CAMTA1: variants seen among roughly 807,000 people sequenced by gnomAD.
CAMTA1 encodes calmodulin binding transcription activator 1, also known as calmodulin-binding transcription activator 1.
In CAMTA1, 27 loss-of-function variants were observed where a neutral mutation model predicts 170.9. The ratio of observed to expected loss-of-function variants is 0.16; its 90% confidence interval spans 0.12 to 0.22. The LOEUF is 0.22. Ranked by LOEUF, CAMTA1 falls within the 10% of genes least tolerant of loss-of-function variation. The pLI is 1.00. For missense variants in CAMTA1, 1,619 were observed against 2,217.2 expected (o/e 0.73, Z 5.42); for synonymous variants, 833 against 891.5 (o/e 0.93, Z 1.17).
At chr1:6,833,150 C>A (rs997896158) in intron 3 of CAMTA1, among the ~76,000 whole-genome samples, 1 of 152,190 alleles carries the variant, frequency 6.6e-6, no homozygotes, top group Non-Finnish European at 1.5e-5. Context: ...AAGTAAATTG[C>A]ACCCTCAGAG....
intron 4 of CAMTA1, among the ~76,000 whole-genome samples, chr1:7,238,346 C>T (rs1664266731): frequency 6.6e-6 from 1 of 152,104 alleles, no homozygotes; most frequent in African/African-American, 2.4e-5. Context: ...CTTACTAGTC[C>T]TCTGACCTTG....
At chr1:7,535,079 G>A (rs2094533695) in intron 6 of CAMTA1, among the ~76,000 whole-genome samples, 1 of 147,630 alleles carries the variant, frequency 6.8e-6, no homozygotes. Flanking sequence ...GCCCCACCCC[G>A]GGCCAGCCAC....
intron 3 of CAMTA1, among the ~76,000 whole-genome samples, chr1:6,976,046 T>C (rs1283769113): frequency 6.6e-6 from 1 of 152,214 alleles, no homozygotes; most frequent in African/African-American, 2.4e-5. Flanking sequence ...TCTTGAATGC[T>C]CACTCGAGCC....
chr1:7,450,059 C>T (rs1447481320), intron 5 of CAMTA1, among the ~76,000 whole-genome samples: 1 of 152,116 alleles, frequency 6.6e-6, no homozygotes, highest in Non-Finnish European at 1.5e-5. Flanking sequence ...CAGGATGAAG[C>T]CCCACCAGCC....
At chr1:7,527,386 G>A (rs1400829396) in intron 6 of CAMTA1, among the ~76,000 whole-genome samples, 1 of 152,220 alleles carries the variant, frequency 6.6e-6, no homozygotes, top group Non-Finnish European at 1.5e-5. Flanking sequence ...GGGCTAGAAA[G>A]AGAAAGCTGG....
intron 3 of CAMTA1, among the ~76,000 whole-genome samples, chr1:6,939,662 A>G (rs1254016525): frequency 5.3e-5 from 8 of 150,144 alleles, no homozygotes. Flanking sequence ...TCTGGACCCT[A>G]TTTATTCCCT....
chr1:7,063,650 C>A lies in CAMTA1; in HGVS notation c.235-27654C>A, dbSNP rs918385372. On this transcript the variant is annotated intron_variant, in intron 3 of 22. Transcript: ENST00000303635. This position sits in a 1 kb window ranked among gnomAD's most constrained non-coding sequence, Gnocchi z 4.3. Reference sequence around the variant, plus strand: ...ATCTGAAATACCTTCCCTGGACCTACCATTTGCATTTGGACTTAGATTATT... The same window carrying A: ...ATCTGAAATACCTTCCCTGGACCTAACATTTGCATTTGGACTTAGATTATT... Among the ~76,000 whole-genome samples the A allele has an allele frequency of 5.3e-5, 8 of 152,324 alleles. No individual in the cohort carries two copies. Among genetic ancestry groups the A allele is most frequent in the African/African-American group, 1.9e-4 (8 of 41,576 alleles).
chr1:7,489,682 T>G (rs559649534), intron 6 of CAMTA1, among the ~76,000 whole-genome samples: 9 of 152,216 alleles, frequency 5.9e-5, no homozygotes, highest in Non-Finnish European at 1.2e-4. Flanking sequence ...AAATACACAC[T>G]CGTTAAAGTG....
chr1:7,050,268 G>T lies in CAMTA1; in HGVS notation c.235-41036G>T, dbSNP rs1331609795. 1.3e-5 allele frequency among the ~76,000 whole-genome samples: 2 copies of T among 152,178 alleles called. No homozygotes were observed. On this transcript the variant is annotated intron_variant, in intron 3 of 22. Transcript: ENST00000303635. The surrounding 1 kb of genome is among the most constrained non-coding windows in gnomAD (Gnocchi z 4.8). Reference sequence around the variant, plus strand: ...CTGGGGGTAGGACCACAGCCTCCTTGTCTTGCCTTCCTGGGGAGATGGGGC... The same window carrying T: ...CTGGGGGTAGGACCACAGCCTCCTTTTCTTGCCTTCCTGGGGAGATGGGGC...
chr1:7,131,207 C>T (rs539898314), intron 4 of CAMTA1, among the ~76,000 whole-genome samples: 2 of 152,254 alleles, frequency 1.3e-5, no homozygotes, highest in South Asian at 2.1e-4. Flanking sequence ...CCACCTCGGC[C>T]TCCCAAAGTG....
intron 4 of CAMTA1, among the ~76,000 whole-genome samples, chr1:7,240,004 C>T (rs568992141): frequency 6.6e-6 from 1 of 152,128 alleles, no homozygotes; most frequent in African/African-American, 2.4e-5. Flanking sequence ...TCTTATTAGG[C>T]CTGACCTCCC....
intron 1 of CAMTA1, among the ~76,000 whole-genome samples, chr1:6,812,385 A>G (rs771067584): frequency 6.6e-6 from 1 of 152,196 alleles, no homozygotes; most frequent in Non-Finnish European, 1.5e-5. Flanking sequence ...AAGATTTTAT[A>G]TATGAAAATG....
intron 3 of CAMTA1, among the ~76,000 whole-genome samples, chr1:7,075,801 T>C (rs1484515669): frequency 3.3e-5 from 5 of 152,090 alleles, no homozygotes; most frequent in Admixed American, 2.6e-4. Context: ...TAGTTGGGAT[T>C]ACAGGTGTGT....
At chr1:7,703,836 G>C (rs1437608653) in intron 11 of CAMTA1, among the ~76,000 whole-genome samples, 1 of 152,198 alleles carries the variant, frequency 6.6e-6, no homozygotes, top group African/African-American at 2.4e-5. Flanking sequence ...CCTGAGCCTC[G>C]ATTAAGAGGT....
intron 1 of CAMTA1, among the ~76,000 whole-genome samples, chr1:6,797,250 G>A (rs972009859): frequency 2.0e-5 from 3 of 152,104 alleles, no homozygotes; most frequent in African/African-American, 7.2e-5. Context: ...TTGTAGAGAC[G>A]GGGTTTTGCC....
rs1326750229 is a variant in CAMTA1 at position 7,737,379 on chromosome 1, A to C, written c.3467A>C (p.His1156Pro). The C allele has an allele frequency of 6.2e-7, 1 of 1,614,126 alleles. No homozygotes were observed. The highest frequency in any genetic ancestry group is 8.5e-7 in the Non-Finnish European group (1 of 1,180,056). ...LPLGIARSRG[H>P]VKLAECLEHL... is the part of the protein sequence containing the mutation. ...TTGGGAATTGCCAGGTCACGGGGTC[A>C]TGTGAAATTAGCAGAGTGTCTGGAG... The change falls in exon 15 of 23, where the codon CAT (histidine) becomes CCT (proline). Residue 1156 changes from histidine to proline, a missense_variant. Coordinates refer to ENST00000303635, the MANE Select transcript of CAMTA1 (RefSeq NM_015215.4).
chr1:6,900,709 T>A (rs1676748282), intron 3 of CAMTA1, among the ~76,000 whole-genome samples: 1 of 152,148 alleles, frequency 6.6e-6, no homozygotes, highest in African/African-American at 2.4e-5. Context: ...TTCAGATACC[T>A]TAGAATAAAA....
intron 5 of CAMTA1, among the ~76,000 whole-genome samples, chr1:7,409,674 C>T (rs899755385): frequency 2.0e-5 from 3 of 152,062 alleles, no homozygotes; most frequent in Non-Finnish European, 4.4e-5. Context: ...GGAACAAGGG[C>T]TCAGAGAAGC....
At chr1:6,906,499 G>A (rs1321286381) in intron 3 of CAMTA1, among the ~76,000 whole-genome samples, 1 of 152,186 alleles carries the variant, frequency 6.6e-6, no homozygotes, top group Non-Finnish European at 1.5e-5. Flanking sequence ...GAAAATCAGG[G>A]TGGTGGCAGG....
Sources: allele counts gnomAD v4.1 joint callset (sites outside exome capture counted in the v4.1 genomes callset), GRCh38; gene constraint gnomAD v4.1.1; non-coding constraint Gnocchi (gnomAD v3.1); transcripts MANE v1.5; gene names NCBI Gene and HGNC (gene_info 2026-07-23, HGNC 2026-07-21).